The following PIKFYVE variants were observed in gnomAD, a reference collection of about 807,000 sequenced individuals.
The protein encoded by PIKFYVE is 1-phosphatidylinositol 3-phosphate 5-kinase.
A neutral mutation model predicts 257.9 loss-of-function variants in PIKFYVE; 122 were observed. The ratio of observed to expected loss-of-function variants is 0.47; its 90% CI spans 0.41 to 0.55. PIKFYVE has a LOEUF of 0.55. PIKFYVE is among the 20% of genes least tolerant of loss of function. The pLI is 0.00. For synonymous variants in PIKFYVE, 892 were observed against 868.9 expected, an observed-to-expected ratio of 1.03 and a Z score of -0.47; for missense variants, 2,160 against 2,536.6, an observed-to-expected ratio of 0.85 and a Z score of 3.19.
chr2:208,275,712 A>C (rs1690018236), intron 3 of PIKFYVE, among the ~76,000 whole-genome samples: 1 of 152,168 alleles, frequency 6.6e-6, no homozygotes, highest in Non-Finnish European at 1.5e-5. Flanking sequence ...CCTCCCAGCC[A>C]AAACAGCACC....
chr2:208,298,950 C>T (rs1053377990), intron 8 of PIKFYVE, among the ~76,000 whole-genome samples, 171 bp downstream of exon 8: 4 of 152,056 alleles, frequency 2.6e-5, no homozygotes, highest in African/African-American at 9.7e-5. Flanking sequence ...TCAAGCGATT[C>T]TGGTGCCTTA....
intron 5 of PIKFYVE, 24 bp downstream of exon 5, chr2:208,277,732 T>G (rs1481629588): frequency 1.3e-5 from 21 of 1,610,600 alleles, no homozygotes; most frequent in Non-Finnish European, 1.8e-5. Context: ...ATTGCCAGTT[T>G]ACAATTTTTA....
At chr2:208,282,930 G>A (rs1691019707) in intron 5 of PIKFYVE, among the ~76,000 whole-genome samples, 3 of 152,044 alleles carry the variant, frequency 2.0e-5, no homozygotes, top group Admixed American at 1.3e-4. Flanking sequence ...CCTCACATGC[G>A]CAGTTCACCA....
intron 20 of PIKFYVE, among the ~76,000 whole-genome samples, chr2:208,327,909 T>C (rs775665474): frequency 1.3e-5 from 2 of 152,226 alleles, no homozygotes; most frequent in Non-Finnish European, 2.9e-5. Flanking sequence ...CAAAATAATT[T>C]AGTGCAGTTG....
chr2:208,355,598 G>GA lies in PIKFYVE; in HGVS notation c.*298dup, dbSNP rs1315594118. 1 of 286,334 alleles carries GA rather than the reference G, an allele frequency of 3.5e-6. No individual in the cohort carries two copies. The highest frequency in any genetic ancestry group is 6.7e-6 in the Non-Finnish European group (1 of 150,272). 17.7% of individuals were successfully genotyped at this position (286,334 alleles called of 1,614,324 possible). On this transcript the variant is annotated 3_prime_UTR_variant, in exon 42 of 42. Coordinates refer to ENST00000264380, the MANE Select transcript of PIKFYVE (RefSeq NM_015040.4). ...AAAGTTGGAGATGAGTAGATAGGGT[G>GA]AAAAATGGGTTAAATTTGCTAGCTT... is the stretch of plus-strand genomic sequence containing the variant.
Position 208,325,899 on chromosome 2 carries a change from G to T in PIKFYVE, c.3088G>T (p.Glu1030Ter). 1 of 1,614,106 alleles carries T rather than the reference G, an allele frequency of 6.2e-7. No homozygotes were observed. The change falls in exon 20 of 42, where the codon GAA becomes TAA. Residue 1030 changes from glutamate to a stop codon, truncating the protein, a stop_gained. Coordinates refer to ENST00000264380, the MANE Select transcript of PIKFYVE (RefSeq NM_015040.4). LOFTEE classifies it high-confidence loss of function. ...QDDTGLYVTE[E>*]VTSSEDKRKT... is the part of the protein sequence containing the mutation. The stretch of plus-strand genomic sequence containing the variant: ...TGACACTGGATTATATGTTACTGAG[G>T]AAGTCACCTCCTCTGAAGATAAACG...
intron 7 of PIKFYVE, among the ~76,000 whole-genome samples, chr2:208,290,177 TTCTA>T (rs1440995209): frequency 7.9e-5 from 12 of 152,210 alleles, no homozygotes; most frequent in African/African-American, 2.7e-4. Flanking sequence ...GTGTTGAATA[TTCTA>T]TGGATTTGGA....
In PIKFYVE at chr2:208,350,853, C is replaced by A; in HGVS notation, c.5517C>A (p.Asp1839Glu). The A allele has an allele frequency of 6.2e-7, 1 of 1,614,134 alleles. No individual in the cohort carries two copies. Among genetic ancestry groups the A allele is most frequent in the Non-Finnish European group, 8.5e-7 (1 of 1,180,020 alleles). ...EFHKMREVIL[D>E]SSEEDFIRSL... ...ATAAGATGCGTGAAGTGATTCTGGA[C>A]AGCAGTGAAGAAGATTTCATTCGTT... The change falls in exon 37 of 42, where the codon GAC becomes GAA. Residue 1839 changes from aspartate to glutamate, a missense_variant. Coordinates refer to ENST00000264380, the MANE Select transcript of PIKFYVE (RefSeq NM_015040.4).
intron 12 of PIKFYVE, 140 bp downstream of exon 12, chr2:208,305,153 A>G (rs1186774349): frequency 6.5e-7 from 1 of 1,539,500 alleles, no homozygotes; most frequent in Non-Finnish European, 8.8e-7. Flanking sequence ...ACCCTTTCTC[A>G]TTTCTCCCAC....
Position 208,347,928 on chromosome 2 carries a change from A to G in PIKFYVE, c.5279A>G (p.Gln1760Arg), listed in dbSNP as rs1295811745. 18 of 1,613,132 alleles carry G rather than the reference A, an allele frequency of 1.1e-5. No individual in the cohort carries two copies. The highest frequency in any genetic ancestry group is 3.3e-4 in the Middle Eastern group (2 of 6,074). ...GGGAAAAGCCCCGATCTCTCTTCCC[A>G]GAAGAGAGAGACCTTACGTGGAGCA... ...TAGKSPDLSS[Q>R]KRETLRGADS... Residue 1760 changes from glutamine (Q) to arginine (R), a missense_variant, in exon 35 of 42, where the codon CAG (glutamine) becomes CGG (arginine). By Grantham distance (43) the Gln-to-Arg change is conservative. Coordinates refer to ENST00000264380, the MANE Select transcript of PIKFYVE (RefSeq NM_015040.4).
intron 7 of PIKFYVE, among the ~76,000 whole-genome samples, chr2:208,293,420 A>G (rs1423973417): frequency 2.6e-5 from 4 of 152,108 alleles, no homozygotes; most frequent in Admixed American, 6.5e-5. Context: ...TCTGACCTAT[A>G]TCATATTCCT....
At chr2:208,337,310 T>C (rs1226773083) in intron 28 of PIKFYVE, among the ~76,000 whole-genome samples, 1 of 152,080 alleles carries the variant, frequency 6.6e-6, no homozygotes, top group Non-Finnish European at 1.5e-5. Context: ...AATAAGAGGT[T>C]TTTCTTAAGG....
At chr2:208,343,414 T>G (rs987683176) in intron 32 of PIKFYVE, among the ~76,000 whole-genome samples, 2 of 152,230 alleles carry the variant, frequency 1.3e-5, no homozygotes, top group Non-Finnish European at 2.9e-5. Context: ...TGAGGATATG[T>G]TCTAAGAACC....
chr2:208,334,160 T>C (rs1697869326), intron 24 of PIKFYVE, among the ~76,000 whole-genome samples: 4 of 152,256 alleles, frequency 2.6e-5, no homozygotes, highest in Non-Finnish European at 5.9e-5. Context: ...GAGCACTTTT[T>C]ACCAACTCTA....
intron 5 of PIKFYVE, among the ~76,000 whole-genome samples, chr2:208,285,252 T>C (rs934795799): frequency 5.3e-5 from 8 of 152,028 alleles, no homozygotes; most frequent in Admixed American, 2.6e-4. Context: ...TGCGTTACCA[T>C]GCCCGGCTAA....
At chr2:208,343,075 G>A (rs922903671) in intron 32 of PIKFYVE, among the ~76,000 whole-genome samples, 10 of 152,214 alleles carry the variant, frequency 6.6e-5, no homozygotes, top group East Asian at 1.9e-4. Context: ...AATTACAGGC[G>A]TGAGCCACCA....
chr2:208,329,643 G>T (rs751047256), intron 21 of PIKFYVE, among the ~76,000 whole-genome samples, 199 bp from the exon 22 acceptor site: 1 of 152,102 alleles, frequency 6.6e-6, no homozygotes, highest in Non-Finnish European at 1.5e-5. Flanking sequence ...TAGTGGATTG[G>T]GAGTGAAAAA....
intron 16 of PIKFYVE, 96 bp downstream of exon 16, chr2:208,318,037 T>G: frequency 7.8e-7 from 1 of 1,287,808 alleles, no homozygotes. Context: ...AAATGGACAA[T>G]GGACAATGAA....
intron 5 of PIKFYVE, among the ~76,000 whole-genome samples, chr2:208,280,951 A>G (rs563506755): frequency 1.9e-4 from 29 of 150,148 alleles, no homozygotes; most frequent in Non-Finnish European, 3.2e-4. Context: ...AGTGCTGCCT[A>G]TTGGCCCCTG....
Sources: allele counts gnomAD v4.1 joint callset (sites outside exome capture counted in the v4.1 genomes callset), GRCh38; gene constraint gnomAD v4.1.1; transcripts MANE v1.5; gene names NCBI Gene and HGNC (gene_info 2026-07-23, HGNC 2026-07-21).